EYA1: variants seen among roughly 807,000 people sequenced by gnomAD.
The protein encoded by EYA1 is protein phosphatase EYA1.
In EYA1, 16 loss-of-function variants were observed where a neutral mutation model predicts 82.0. The observed-to-expected ratio is 0.20, with a 90% CI of 0.13 to 0.30. EYA1 has a LOEUF of 0.30. Ranked by LOEUF, EYA1 falls within the 10% of genes least tolerant of loss-of-function variation. The pLI is 1.00. For missense variants in EYA1, 633 were observed against 730.7 expected, an observed-to-expected ratio of 0.87 and a Z score of 1.54; for synonymous variants, 261 against 264.4, an observed-to-expected ratio of 0.99 and a Z score of 0.12.
intron 3 of EYA1, among the ~76,000 whole-genome samples, chr8:71,346,431 A>AAAAT (rs1554561505): frequency 9.5e-6 from 1 of 105,492 alleles, no homozygotes. Flanking sequence ...TACTGCAGTG[A>AAAAT]ATATATATAT....
intron 2 of EYA1, among the ~76,000 whole-genome samples, chr8:71,457,679 C>T (rs1008526925): frequency 6.6e-5 from 10 of 152,248 alleles, no homozygotes; most frequent in African/African-American, 2.4e-4. Context: ...CCAAACACCG[C>T]ATGTTCTCAC....
At chr8:71,420,164 G>C (rs1040181451) in intron 2 of EYA1, among the ~76,000 whole-genome samples, 1 of 152,078 alleles carries the variant, frequency 6.6e-6, no homozygotes, top group African/African-American at 2.4e-5. Context: ...TTCATAATGG[G>C]ATAATTTAAT....
chr8:71,267,524 T>C (rs1815986435), intron 11 of EYA1, among the ~76,000 whole-genome samples: 1 of 152,182 alleles, frequency 6.6e-6, no homozygotes, highest in African/African-American at 2.4e-5. Context: ...GTATATAAAT[T>C]TGGCTTTTGG....
At position 71,433,013 on chromosome 8, in the gene EYA1, T is replaced by C. The variant is rs192335576; in HGVS notation, c.34-76502A>G. Among the ~76,000 whole-genome samples the C allele has an allele frequency of 6.6e-5, 10 of 152,292 alleles. 1 individual carries two copies. Among genetic ancestry groups the C allele is most frequent in the African/African-American group, 2.2e-4 (9 of 41,558 alleles). ...AACTAGAAGTGCATACCTTCTCTGTTTCAGGAAGCATGTGAAACAAAGGTT... is the reference window on the plus strand; with the variant it reads ...AACTAGAAGTGCATACCTTCTCTGTCTCAGGAAGCATGTGAAACAAAGGTT... On this transcript the variant is annotated intron_variant, in intron 2 of 18. Coordinates refer to the EYA1 transcript ENST00000643681.
intron 2 of EYA1, among the ~76,000 whole-genome samples, chr8:71,446,699 C>G (rs1431343431): frequency 1.3e-5 from 2 of 152,134 alleles, no homozygotes. Flanking sequence ...ATTGCAACAG[C>G]TGTTATTTTC....
chr8:71,387,251 A>G (rs559546398), intron 2 of EYA1, among the ~76,000 whole-genome samples: 22 of 152,324 alleles, frequency 1.4e-4, no homozygotes, highest in African/African-American at 5.3e-4. Flanking sequence ...GGAATCACTC[A>G]GGTAAGCTGG....
intron 7 of EYA1, among the ~76,000 whole-genome samples, chr8:71,311,740 T>C (rs947530568): frequency 9.2e-5 from 14 of 152,232 alleles, no homozygotes; most frequent in Non-Finnish European, 1.9e-4. Context: ...AATCTTTTAG[T>C]GGTGCACAAA....
intron 2 of EYA1, among the ~76,000 whole-genome samples, chr8:71,389,452 T>A (rs2129107964): frequency 6.6e-6 from 1 of 152,252 alleles, no homozygotes; most frequent in South Asian, 2.1e-4. Flanking sequence ...TCATGAAATG[T>A]TTTAAATGTC....
chr8:71,388,238 G>A lies in EYA1; in HGVS notation c.34-31727C>T, dbSNP rs149274641. On this transcript the variant is annotated intron_variant, in intron 2 of 18. Transcript: ENST00000643681. ...CCAGTGATCCCCAAGGTCTTATAGC[G>A]AAGTGGTCAAATAAGTTAAGGGTTG... Among the ~76,000 whole-genome samples the A allele has an allele frequency of 6.7e-4, 102 of 152,244 alleles. 1 individual carries two copies. Among genetic ancestry groups the A allele is most frequent in the South Asian group, 3.5e-3 (17 of 4,824 alleles).
intron 2 of EYA1, among the ~76,000 whole-genome samples, chr8:71,522,945 G>C (rs1045820131): frequency 5.3e-5 from 8 of 152,046 alleles, no homozygotes; most frequent in Non-Finnish European, 5.9e-5. Flanking sequence ...AGGACTCTTG[G>C]AACAAGTTAA....
At chr8:71,401,050 A>G (rs1429410504) in intron 2 of EYA1, among the ~76,000 whole-genome samples, 2 of 152,160 alleles carry the variant, frequency 1.3e-5, no homozygotes, top group African/African-American at 4.8e-5. Flanking sequence ...AAAACCAAAC[A>G]CTGCATGTTC....
At chr8:71,432,127 T>C (rs1332098904) in intron 2 of EYA1, among the ~76,000 whole-genome samples, 20 of 152,206 alleles carry the variant, frequency 1.3e-4, no homozygotes, top group Admixed American at 1.3e-3. Context: ...GAACTATACA[T>C]ATTTTGCTGT....
At chr8:71,415,420 T>G (rs1249481888) in intron 2 of EYA1, among the ~76,000 whole-genome samples, 3 of 152,188 alleles carry the variant, frequency 2.0e-5, no homozygotes, top group Non-Finnish European at 4.4e-5. Flanking sequence ...TGTTACAGGT[T>G]CCCACTTTTA....
intron 2 of EYA1, among the ~76,000 whole-genome samples, chr8:71,428,767 G>C (rs1805421537): frequency 6.6e-6 from 1 of 151,970 alleles, no homozygotes; most frequent in East Asian, 1.9e-4. Flanking sequence ...TAATACTATT[G>C]CAAGTTCAGC....
At chr8:71,450,386 G>A (rs1773822271) in intron 2 of EYA1, among the ~76,000 whole-genome samples, 1 of 152,160 alleles carries the variant, frequency 6.6e-6, no homozygotes, top group Admixed American at 6.5e-5. Context: ...TTGTGTCTCA[G>A]GGAATAGGGA....
At chr8:71,333,517 C>T (rs1425813741) in intron 4 of EYA1, among the ~76,000 whole-genome samples, 1 of 152,168 alleles carries the variant, frequency 6.6e-6, no homozygotes, top group East Asian at 1.9e-4. Context: ...TCACAACCAC[C>T]TTATGATCAC....
At chr8:71,297,019 T>A (rs1819669194) in intron 9 of EYA1, among the ~76,000 whole-genome samples, 1 of 152,142 alleles carries the variant, frequency 6.6e-6, no homozygotes, top group Non-Finnish European at 1.5e-5. Context: ...GAAAGGCTGA[T>A]CCAGACATAC....
Position 71,496,346 on chromosome 8 carries a change from C to G in EYA1, c.33+39398G>C, listed in dbSNP as rs979126196. The stretch of plus-strand genomic sequence containing the variant: ...GTTTATTTTTGTTGGCAGCCCTATG[C>G]AAATCATTGTATTATGGGTCTTTGC... On this transcript the variant is annotated intron_variant, in intron 2 of 18. Transcript: ENST00000643681. Among the ~76,000 whole-genome samples, 12 of 152,276 alleles carry G rather than the reference C, an allele frequency of 7.9e-5. No individual in the cohort carries two copies. In the East Asian group the frequency reaches 2.1e-3, roughly 27 times the overall value.
chr8:71,524,400 T>C (rs1813656574), intron 2 of EYA1, among the ~76,000 whole-genome samples: 1 of 152,174 alleles, frequency 6.6e-6, no homozygotes, highest in African/African-American at 2.4e-5. Context: ...TAAATAGAAA[T>C]TAGAAATGTT....
Sources: gnomAD v4.1 joint callset for allele counts (sites outside exome capture counted in the v4.1 genomes callset) on GRCh38, gnomAD v4.1.1 for gene constraint, MANE v1.5 for transcripts, NCBI Gene and HGNC (gene_info 2026-07-23, HGNC 2026-07-21) for gene names.